Variants in ITFG1 observed in about 807,000 individuals in gnomAD.
ITFG1 encodes the protein T-cell immunomodulatory protein.
Under a neutral mutation model 81.8 loss-of-function variants are expected in ITFG1, and 34 were observed. That is an observed-to-expected ratio of 0.42 (90% CI 0.32 to 0.55). The LOEUF (loss-of-function observed/expected upper bound fraction) is 0.55, where lower values mean the gene tolerates loss of function less well. Among genes scored for constraint, ITFG1 ranks in the 20% least tolerant of loss-of-function variants. The pLI, the probability that ITFG1 is intolerant of heterozygous loss-of-function variation, is 0.17. For synonymous variants in ITFG1, 285 were observed against 270.6 expected (o/e 1.05, Z -0.52); for missense variants, 672 against 755.4 (o/e 0.89, Z 1.29).
At chr16:47,414,113 GC>G (rs2151604064) in intron 6 of ITFG1, among the ~76,000 whole-genome samples, 2 of 151,758 alleles carry the variant, frequency 1.3e-5, no homozygotes, top group South Asian at 4.2e-4. Flanking sequence ...GAGCCACCAC[GC>G]CCAGCCGAGA....
intron 14 of ITFG1, among the ~76,000 whole-genome samples, chr16:47,197,388 G>C (rs1251612184): frequency 6.6e-6 from 1 of 152,132 alleles, no homozygotes; most frequent in Non-Finnish European, 1.5e-5. Context: ...TCAACCAACT[G>C]CCAATCACAA....
chr16:47,261,064 G>C lies in ITFG1; in HGVS notation c.1071-369C>G, dbSNP rs117065102. Among the ~76,000 whole-genome samples, 10 of 152,248 alleles carry C rather than the reference G, an allele frequency of 6.6e-5. No homozygotes were observed. The East Asian group carries it at 1.9e-3, about 29-fold the overall frequency. ...TCACTGAATATCTACATTTTAACTA[G>C]AATGTCTCATAAACTCAAAGCAATG... is the stretch of plus-strand genomic sequence containing the variant. On this transcript the variant is annotated intron_variant, in intron 10 of 17. Coordinates refer to ENST00000320640, the MANE Select transcript of ITFG1 (RefSeq NM_030790.5).
chr16:47,437,834 T>C (rs1290420741), intron 5 of ITFG1, among the ~76,000 whole-genome samples: 1 of 152,204 alleles, frequency 6.6e-6, no homozygotes, highest in East Asian at 1.9e-4. Context: ...CACTGGGGAA[T>C]GCCGGACAGT....
chr16:47,453,589 C>A (rs1969415453), intron 3 of ITFG1, among the ~76,000 whole-genome samples: 2 of 152,286 alleles, frequency 1.3e-5, no homozygotes, highest in East Asian at 3.9e-4. Flanking sequence ...ATCAAGAGAC[C>A]AGGTGCAGCA....
chr16:47,243,860 G>A (rs555620425), intron 12 of ITFG1, among the ~76,000 whole-genome samples: 1 of 152,250 alleles, frequency 6.6e-6, no homozygotes, highest in African/African-American at 2.4e-5. Context: ...GTGAAACTCC[G>A]TTTGTACTAA....
At chr16:47,325,386 T>C (rs559749833) in intron 8 of ITFG1, among the ~76,000 whole-genome samples, 1 of 152,150 alleles carries the variant, frequency 6.6e-6, no homozygotes, top group African/African-American at 2.4e-5. Flanking sequence ...AGATCTAAAA[T>C]TGACACCCTA....
Position 47,192,945 on chromosome 16 carries a change from G to C in ITFG1, c.1453+25923C>G, listed in dbSNP as rs543571727. 3.9e-5 allele frequency among the ~76,000 whole-genome samples: 6 copies of C among 152,246 alleles called. No homozygotes were observed. The South Asian group carries it at 1.2e-3, about 32-fold the overall frequency. On this transcript the variant is annotated intron_variant, in intron 14 of 17. Transcript: ENST00000320640. Reference sequence around the variant, plus strand: ...GCAATTAGTCAATCGCCCTTGAAGTGTTCCTACCAGTTGCTGGCTCTAGCT... The same window carrying C: ...GCAATTAGTCAATCGCCCTTGAAGTCTTCCTACCAGTTGCTGGCTCTAGCT...
intron 8 of ITFG1, among the ~76,000 whole-genome samples, chr16:47,350,179 C>G (rs564773111): frequency 1.4e-4 from 22 of 152,202 alleles, no homozygotes; most frequent in Admixed American, 3.3e-4. Context: ...CAAACACATT[C>G]AAAAGCTAGC....
intron 12 of ITFG1, among the ~76,000 whole-genome samples, chr16:47,241,938 A>G (rs1965939698): frequency 6.7e-6 from 1 of 149,678 alleles, no homozygotes; most frequent in Non-Finnish European, 1.5e-5. Flanking sequence ...TGGGTGACAG[A>G]GCAAGACTCC....
intron 10 of ITFG1, among the ~76,000 whole-genome samples, chr16:47,307,580 C>T (rs984912328): frequency 6.6e-6 from 1 of 152,156 alleles, no homozygotes; most frequent in African/African-American, 2.4e-5. Flanking sequence ...AGGTCTTCTT[C>T]AATAATGACA....
intron 12 of ITFG1, among the ~76,000 whole-genome samples, chr16:47,242,004 T>C (rs2151535457): frequency 6.6e-6 from 1 of 151,100 alleles, no homozygotes; most frequent in South Asian, 2.1e-4. Context: ...AGGTACAGGG[T>C]TTCTTTCGGT....
intron 8 of ITFG1, among the ~76,000 whole-genome samples, chr16:47,337,351 C>T (rs1050592844): frequency 6.6e-6 from 1 of 152,030 alleles, no homozygotes; most frequent in Non-Finnish European, 1.5e-5. Flanking sequence ...GCAGGCAGAT[C>T]ACGAGGTCAG....
At chr16:47,169,620 T>C in intron 14 of ITFG1, among the ~76,000 whole-genome samples, 1 of 152,204 alleles carries the variant, frequency 6.6e-6, no homozygotes, top group East Asian at 1.9e-4. Flanking sequence ...TACAGAATCA[T>C]GTCACCTGCA....
In ITFG1 at chr16:47,209,729, CCTGT is replaced by C. The variant is rs146735172; in HGVS notation, c.1453+9135_1453+9138del. Among the ~76,000 whole-genome samples, 641 of 152,244 alleles carry C rather than the reference CCTGT, an allele frequency of 4.2e-3. 6 individuals are homozygous for C. Among genetic ancestry groups the C allele is most frequent in the African/African-American group, 0.015 (603 of 41,544 alleles). Reference sequence around the variant, plus strand: ...CGTCACCCACACCTACTCCTAAATCCCTGTCTAACTCTAATTTGTTCTTCATTTC... The same window carrying C: ...CGTCACCCACACCTACTCCTAAATCCCTAACTCTAATTTGTTCTTCATTTC... On this transcript the variant is annotated intron_variant, in intron 14 of 17. Coordinates refer to ENST00000320640, the MANE Select transcript of ITFG1 (RefSeq NM_030790.5).
chr16:47,186,665 G>A lies in ITFG1; in HGVS notation c.1454-24001C>T, dbSNP rs1422104822. On this transcript the variant is annotated intron_variant, in intron 14 of 17. Transcript: ENST00000320640. ...CCACAGCCAATATCATACTGAATGG[G>A]CAAAAACTGGAAGCATTCCCTTTGA... 5.3e-5 allele frequency among the ~76,000 whole-genome samples: 8 copies of A among 152,162 alleles called. No homozygotes were observed. The South Asian group carries it at 6.2e-4, about 12-fold the overall frequency.
chr16:47,445,071 T>C (rs1421152897), intron 5 of ITFG1, among the ~76,000 whole-genome samples: 1 of 150,854 alleles, frequency 6.6e-6, no homozygotes, highest in Non-Finnish European at 1.5e-5. Context: ...CCATGATGTC[T>C]GCTTTTGTAT....
intron 14 of ITFG1, among the ~76,000 whole-genome samples, chr16:47,171,518 T>C (rs1169752064): frequency 6.6e-6 from 1 of 152,238 alleles, no homozygotes; most frequent in African/African-American, 2.4e-5. Flanking sequence ...TGATTATTTT[T>C]CTCTATTTCA....
intron 14 of ITFG1, among the ~76,000 whole-genome samples, chr16:47,205,405 G>C (rs535324220): frequency 6.6e-6 from 1 of 152,110 alleles, no homozygotes; most frequent in Non-Finnish European, 1.5e-5. Context: ...AAGACAATTC[G>C]TACAAATTTT....
At chr16:47,413,283 C>T (rs1316636290) in intron 6 of ITFG1, among the ~76,000 whole-genome samples, 1 of 152,176 alleles carries the variant, frequency 6.6e-6, no homozygotes, top group African/African-American at 2.4e-5. Context: ...TAAGGAAAAA[C>T]AAAATCCTTT....
Sources: gnomAD v4.1 joint callset for allele counts (sites outside exome capture counted in the v4.1 genomes callset) on GRCh38, gnomAD v4.1.1 for gene constraint, MANE v1.5 for transcripts, NCBI Gene and HGNC (gene_info 2026-07-23, HGNC 2026-07-21) for gene names.